The following MICU1 variants were observed in gnomAD, a reference collection of about 807,000 sequenced individuals.
MICU1 encodes calcium uptake protein 1, mitochondrial.
MICU1 carries 45 observed loss-of-function variants against 56.8 expected under a neutral mutation model. The observed-to-expected ratio is 0.79, with a 90% CI of 0.62 to 1.02. The LOEUF (loss-of-function observed/expected upper bound fraction) is 1.02, where lower values mean the gene tolerates loss of function less well. MICU1 is among the 50% of genes least tolerant of loss of function. The pLI, the probability that MICU1 is intolerant of heterozygous loss-of-function variation, is 0.00. For synonymous variants in MICU1, 186 were observed against 195.1 expected, an observed-to-expected ratio of 0.95 and a Z score of 0.39; for missense variants, 504 against 587.1, an observed-to-expected ratio of 0.86 and a Z score of 1.46.
intron 10 of MICU1, among the ~76,000 whole-genome samples, chr10:72,393,022 T>C (rs1216237308): frequency 6.6e-6 from 1 of 152,236 alleles, no homozygotes; most frequent in Non-Finnish European, 1.5e-5. Context: ...GTGAAACATA[T>C]GTCAAGTCCA....
At chr10:72,499,763 T>C (rs1168701400) in intron 6 of MICU1, among the ~76,000 whole-genome samples, 2 of 152,186 alleles carry the variant, frequency 1.3e-5, no homozygotes, top group Non-Finnish European at 2.9e-5. Flanking sequence ...CTTGCCCATA[T>C]TTTTCAATAC....
intron 10 of MICU1, among the ~76,000 whole-genome samples, chr10:72,384,920 G>A (rs992974200): frequency 6.6e-6 from 1 of 152,090 alleles, no homozygotes; most frequent in Non-Finnish European, 1.5e-5. Flanking sequence ...TAAAATAGGA[G>A]CTTTTTTCCT....
chr10:72,371,557 A>G (rs1862341808), intron 11 of MICU1, among the ~76,000 whole-genome samples: 2 of 152,066 alleles, frequency 1.3e-5, no homozygotes, highest in Admixed American at 6.6e-5. Flanking sequence ...AGCCTGGCCA[A>G]CATGGTGAAA....
intron 8 of MICU1, among the ~76,000 whole-genome samples, chr10:72,438,928 A>G (rs1402229880): frequency 1.3e-5 from 2 of 152,208 alleles, no homozygotes; most frequent in Non-Finnish European, 2.9e-5. Context: ...AACCAAAAAA[A>G]GTCCAGGACC....
chr10:72,494,850 A>AC (rs1866784192), intron 6 of MICU1, among the ~76,000 whole-genome samples: 5 of 151,998 alleles, frequency 3.3e-5, no homozygotes, highest in Non-Finnish European at 5.9e-5. Flanking sequence ...TCTAAAAAAA[A>AC]AAAAAACAAA....
At chr10:72,460,625 A>C (rs1865611583) in intron 8 of MICU1, among the ~76,000 whole-genome samples, 1 of 152,206 alleles carries the variant, frequency 6.6e-6, no homozygotes, top group African/African-American at 2.4e-5. Context: ...GTATTTGCTC[A>C]AAGTATGAAT....
Position 72,465,234 on chromosome 10 carries a change from GTGATCCTCC to G in MICU1, c.933+9857_933+9865del, listed in dbSNP as rs1317521195. 4.6e-5 allele frequency among the ~76,000 whole-genome samples: 7 copies of G among 151,690 alleles called. No homozygotes were observed. In the East Asian group the frequency reaches 1.4e-3, roughly 29 times the overall value. ...GCCAGGCTTGAACTCCTGGCCTCAA[GTGATCCTCC>G]TGCCCTGGCCTCCAAAAGTGCTGGG... On this transcript the variant is annotated intron_variant, in intron 8 of 11. Transcript: ENST00000361114.
At chr10:72,540,032 C>T (rs1198208937) in intron 4 of MICU1, among the ~76,000 whole-genome samples, 2 of 152,074 alleles carry the variant, frequency 1.3e-5, no homozygotes, top group Non-Finnish European at 2.9e-5. Context: ...CTTTGGGAGG[C>T]CGAGACAGGT....
At chr10:72,405,960 T>C (rs1431921981) in intron 10 of MICU1, among the ~76,000 whole-genome samples, 1 of 151,944 alleles carries the variant, frequency 6.6e-6, no homozygotes, top group Non-Finnish European at 1.5e-5. Context: ...TCACCACTTC[T>C]ATTCAATATT....
intron 8 of MICU1, among the ~76,000 whole-genome samples, chr10:72,468,098 G>C (rs1865847896): frequency 6.6e-6 from 1 of 152,130 alleles, no homozygotes. Flanking sequence ...GCCTCTTAAA[G>C]TGCTGGGATT....
chr10:72,565,482 C>A (rs542375142), intron 2 of MICU1, among the ~76,000 whole-genome samples: 1 of 114,632 alleles, frequency 8.7e-6, no homozygotes, highest in Non-Finnish European at 1.6e-5. Context: ...CACGCCGGGG[C>A]CTGTTGTGGG....
chr10:72,594,279 TG>T (rs1353280100), intron 1 of MICU1, among the ~76,000 whole-genome samples: 12 of 152,108 alleles, frequency 7.9e-5, no homozygotes, highest in African/African-American at 2.9e-4. Flanking sequence ...ATAAGCATAC[TG>T]AAGTATCAAC....
At chr10:72,569,237 A>ATATATATATATATTTTTTT in intron 1 of MICU1, among the ~76,000 whole-genome samples, 1 of 34,392 alleles carries the variant, frequency 2.9e-5, no homozygotes, top group African/African-American at 1.1e-4. Flanking sequence ...ATATATATAT[A>ATATATATATATATTTTTTT]TTTTTTTTTT....
At chr10:72,455,550 A>G (rs969322425) in intron 8 of MICU1, among the ~76,000 whole-genome samples, 38 of 152,086 alleles carry the variant, frequency 2.5e-4, no homozygotes, top group Non-Finnish European at 4.1e-4. Flanking sequence ...CACACTATCA[A>G]TGTATCACAG....
chr10:72,548,560 G>A (rs78626934), intron 4 of MICU1, among the ~76,000 whole-genome samples: 4,690 of 152,330 alleles, frequency 0.031, 169 homozygotes, highest in East Asian at 0.22. Context: ...GTGAGGAAAG[G>A]AAGTAAGAGA....
intron 9 of MICU1, among the ~76,000 whole-genome samples, chr10:72,420,377 C>T (rs1254515810): frequency 1.3e-5 from 2 of 152,136 alleles, no homozygotes; most frequent in Non-Finnish European, 2.9e-5. Context: ...CATGTCTTTT[C>T]TTCTCCTTTG....
At position 72,530,372 on chromosome 10, in the gene MICU1, A is replaced by G. The variant is rs61865703; in HGVS notation, c.537+3374T>C. Among the ~76,000 whole-genome samples the G allele has an allele frequency of 3.1e-3, 441 of 143,918 alleles. 4 individuals carry two copies. Among genetic ancestry groups the G allele is most frequent in the Middle Eastern group, 7.2e-3 (2 of 276 alleles). The allele number at this position is 143,918 out of a possible 152,430, so 94.4% of individuals were successfully genotyped here. A position where few individuals can be genotyped will look rare whatever the true frequency, so the allele number is the denominator to read the frequency against. On this transcript the variant is annotated intron_variant, in intron 5 of 11. Transcript: ENST00000361114. Reference sequence around the variant, plus strand: ...TAATAATAATAATAATAATAATAATAATGCCAGAATATATTTTGTATTACC... The same window carrying G: ...TAATAATAATAATAATAATAATAATGATGCCAGAATATATTTTGTATTACC...
intron 1 of MICU1, among the ~76,000 whole-genome samples, chr10:72,595,985 C>CT (rs1220444933): frequency 0.037 from 4,353 of 119,238 alleles, 172 homozygotes; most frequent in East Asian, 0.25. Flanking sequence ...AAATTTTTTT[C>CT]TTTTTTTTTT....
chr10:72,463,863 C>T (rs1020590458), intron 8 of MICU1, among the ~76,000 whole-genome samples: 2 of 152,206 alleles, frequency 1.3e-5, no homozygotes, highest in Admixed American at 6.5e-5. Context: ...GTCCTGCAAG[C>T]CCCATTCATG....
Sources: allele counts gnomAD v4.1 joint callset (sites outside exome capture counted in the v4.1 genomes callset), GRCh38; gene constraint gnomAD v4.1.1; transcripts MANE v1.5; gene names NCBI Gene and HGNC (gene_info 2026-07-23, HGNC 2026-07-21).